ODAD2: variants seen among roughly 807,000 people sequenced by gnomAD.
ODAD2 encodes outer dynein arm-docking complex subunit 2.
A neutral mutation model predicts 106.8 loss-of-function variants in ODAD2; 89 were observed. The observed-to-expected ratio is 0.83, with a 90% CI of 0.70 to 0.99. The LOEUF is 0.99. ODAD2 is among the 50% of genes least tolerant of loss of function. The pLI is 0.00. For missense variants in ODAD2, 1,168 were observed against 1,238.5 expected (o/e 0.94, Z 0.85); for synonymous variants, 404 against 436.2 (o/e 0.93, Z 0.92).
At chr10:27,848,832 C>G (rs1446717978) in intron 19 of ODAD2, among the ~76,000 whole-genome samples, 1 of 152,152 alleles carries the variant, frequency 6.6e-6, no homozygotes, top group Non-Finnish European at 1.5e-5. Flanking sequence ...CAGAGAAATG[C>G]AAATCAAAAC....
At chr10:27,829,548 A>G (rs7100534) in intron 19 of ODAD2, among the ~76,000 whole-genome samples, 5,530 of 152,216 alleles carry the variant, frequency 0.036, 358 homozygotes, top group African/African-American at 0.13. Context: ...TGTGGTTGTT[A>G]TTTCTTTTTT....
rs569349127 is a variant in ODAD2, at chr10:27,921,707, TAGATTACAAAGATAA to T, written c.2495+13288_2495+13302del. Among the ~76,000 whole-genome samples, 725 of 149,410 alleles carry T rather than the reference TAGATTACAAAGATAA, an allele frequency of 4.9e-3. 7 individuals carry two copies. The highest frequency in any genetic ancestry group is 0.016 in the African/African-American group (629 of 40,262). ...TCTGAGACAAACCTAGCAAAATTAT[TAGATTACAAAGATAA>T]AAATCCCCAGTCCAAAAAAAAAAAA... On this transcript the variant is annotated intron_variant, in intron 16 of 19. Transcript: ENST00000305242.
chr10:27,855,779 T>C (rs768972871), intron 19 of ODAD2, among the ~76,000 whole-genome samples: 2 of 152,198 alleles, frequency 1.3e-5, no homozygotes, highest in African/African-American at 2.4e-5. Flanking sequence ...GCAGTTCCAA[T>C]TGAACTGCTC....
chr10:27,826,398 A>C (rs1837048434), intron 19 of ODAD2, among the ~76,000 whole-genome samples: 1 of 152,056 alleles, frequency 6.6e-6, no homozygotes, highest in African/African-American at 2.4e-5. Context: ...TCATCCACCC[A>C]GGTGTCTCTC....
chr10:27,941,110 G>A (rs942808058), intron 12 of ODAD2, among the ~76,000 whole-genome samples: 2 of 151,842 alleles, frequency 1.3e-5, no homozygotes, highest in Admixed American at 6.6e-5. Context: ...CACATCCTCA[G>A]CCCAAACATC....
chr10:27,863,455 C>A (rs72799649), intron 17 of ODAD2, among the ~76,000 whole-genome samples: 423 of 152,306 alleles, frequency 2.8e-3, no homozygotes, highest in Non-Finnish European at 4.7e-3. Context: ...TTTTTCACTT[C>A]TCTGTGCATG....
intron 17 of ODAD2, among the ~76,000 whole-genome samples, chr10:27,878,979 C>T (rs547939667): frequency 1.3e-5 from 2 of 152,162 alleles, no homozygotes; most frequent in South Asian, 2.1e-4. Flanking sequence ...GGAAAATTAG[C>T]TTGGGTAAAA....
intron 17 of ODAD2, among the ~76,000 whole-genome samples, chr10:27,877,366 G>C (rs771380289): frequency 1.3e-5 from 2 of 152,124 alleles, no homozygotes; most frequent in Admixed American, 6.5e-5. Flanking sequence ...CATGGTATGA[G>C]ATACCAGGAG....
chr10:27,861,752 G>A (rs942008106), intron 18 of ODAD2, among the ~76,000 whole-genome samples: 4 of 152,142 alleles, frequency 2.6e-5, no homozygotes, highest in African/African-American at 4.8e-5. Flanking sequence ...TTACTGAATC[G>A]GATGGTTTTG....
Position 27,981,539 on chromosome 10 carries a change from C to A in ODAD2, c.863G>T (p.Gly288Val), listed in dbSNP as rs148299600. ...TGTGACAAGGTTTTTATAAATTGAA[C>A]CTTTTCTCTCATAATTAACGTCCCC... is the stretch of plus-strand genomic sequence containing the variant. ...DEGDVNYERK[G>V]SIYKNLVTFL... The change falls in exon 7 of 20, where the codon GGT (glycine) becomes GTT (valine). Residue 288 changes from glycine to valine, a missense_variant. Physicochemically the swap from Gly to Val is moderately radical, Grantham distance 109. This residue lies in a region of ODAD2 where 430 missense variants were observed against 452.2 expected (regional missense o/e 0.95). Coordinates refer to ENST00000305242, the MANE Select transcript of ODAD2 (RefSeq NM_018076.5). 99 of 1,538,556 alleles carry A rather than the reference C, an allele frequency of 6.4e-5. No homozygotes were observed. The highest frequency in any genetic ancestry group is 8.2e-5 in the Non-Finnish European group (95 of 1,156,244).
At chr10:27,875,959 A>G (rs1317327951) in intron 17 of ODAD2, among the ~76,000 whole-genome samples, 2 of 152,180 alleles carry the variant, frequency 1.3e-5, no homozygotes, top group Non-Finnish European at 2.9e-5. Flanking sequence ...TAGCACAGCA[A>G]TCTGAGATTG....
chr10:27,964,979 A>T (rs1053842417), intron 9 of ODAD2, among the ~76,000 whole-genome samples: 1 of 152,212 alleles, frequency 6.6e-6, no homozygotes, highest in African/African-American at 2.4e-5. Context: ...ACTTCTGGTG[A>T]TAATTCCAGG....
chr10:27,924,614 GAAAAAAAAAAAAAAAA>G (rs60226782), intron 16 of ODAD2, among the ~76,000 whole-genome samples: 80 of 12,648 alleles, frequency 6.3e-3, no homozygotes, highest in African/African-American at 0.034. Flanking sequence ...TGATTAGGAG[GAAAAAAAAAAAAAAAA>G]AAAAAAAAAA....
At chr10:27,863,562 T>C (rs552960568) in intron 17 of ODAD2, among the ~76,000 whole-genome samples, 1 of 152,344 alleles carries the variant, frequency 6.6e-6, no homozygotes, top group South Asian at 2.1e-4. Context: ...ATCGACTTTA[T>C]ATATTCTTTT....
chr10:27,977,164 A>T (rs1441937561), intron 7 of ODAD2, among the ~76,000 whole-genome samples: 1 of 152,186 alleles, frequency 6.6e-6, no homozygotes, highest in African/African-American at 2.4e-5. Context: ...ATTCATCATT[A>T]TACTGGGTTT....
chr10:27,899,756 C>T (rs1383555721), intron 17 of ODAD2, among the ~76,000 whole-genome samples: 5 of 152,202 alleles, frequency 3.3e-5, no homozygotes, highest in Admixed American at 3.3e-4. Context: ...GACAGACTGC[C>T]TCTCTAGATT....
intron 15 of ODAD2, among the ~76,000 whole-genome samples, chr10:27,936,233 T>TG (rs1253692309): frequency 6.6e-6 from 1 of 152,184 alleles, no homozygotes; most frequent in Non-Finnish European, 1.5e-5. Context: ...ATAAATCAAA[T>TG]GGTCATAAAG....
At chr10:27,951,588 T>C (rs908311757) in intron 10 of ODAD2, among the ~76,000 whole-genome samples, 4 of 151,570 alleles carry the variant, frequency 2.6e-5, no homozygotes, top group Admixed American at 2.6e-4. Flanking sequence ...CCTTCTATTA[T>C]ACATAAAGTG....
intron 17 of ODAD2, among the ~76,000 whole-genome samples, chr10:27,879,609 G>GA (rs1198056483): frequency 1.3e-5 from 2 of 151,782 alleles, no homozygotes; most frequent in African/African-American, 2.4e-5. Context: ...ATAATTACAA[G>GA]AAAAAAATCT....
Sources: gnomAD v4.1 joint callset for allele counts (sites outside exome capture counted in the v4.1 genomes callset) on GRCh38, gnomAD v4.1.1 for gene constraint, gnomAD v4.1.1 regional missense constraint, MANE v1.5 for transcripts, NCBI Gene and HGNC (gene_info 2026-07-23, HGNC 2026-07-21) for gene names.